The following CHERP variants were observed in gnomAD, a reference collection of about 807,000 sequenced individuals.
The protein encoded by CHERP is ERPROT 213-21.
CHERP carries 8 observed loss-of-function variants against 113.8 expected under a neutral mutation model. The ratio of observed to expected loss-of-function variants is 0.07; its 90% CI spans 0.04 to 0.13. The LOEUF (loss-of-function observed/expected upper bound fraction) is 0.13. CHERP is among the 10% of genes least tolerant of loss of function. The pLI is 1.00. For missense variants in CHERP, 884 were observed against 1,298.2 expected, an observed-to-expected ratio of 0.68 and a Z score of 4.90; for synonymous variants, 559 against 524.5, an observed-to-expected ratio of 1.07 and a Z score of -0.90.
chr19:16,524,325 C>T (rs1009123958), intron 10 of CHERP, among the ~76,000 whole-genome samples: 6 of 151,992 alleles, frequency 3.9e-5, no homozygotes, highest in African/African-American at 7.3e-5. Flanking sequence ...GAGGCCGAGG[C>T]GGGCGGATCA....
chr19:16,541,765 C>T (rs1004368976), intron 2 of CHERP, 105 bp downstream of exon 2: 2 of 1,252,106 alleles, frequency 1.6e-6, no homozygotes, highest in Non-Finnish European at 2.2e-6. Flanking sequence ...TGCTCCACTT[C>T]AAAGAATAAA....
chr19:16,533,577 C>T (rs1394272831), intron 3 of CHERP, among the ~76,000 whole-genome samples: 2 of 151,914 alleles, frequency 1.3e-5, no homozygotes, highest in African/African-American at 4.8e-5. Context: ...GGCAACGTAG[C>T]GAAACCTCAT....
Position 16,530,050 on chromosome 19 carries a change from G to T in CHERP, c.877-150C>A. The T allele has an allele frequency of 9.6e-7, 1 of 1,046,586 alleles. No homozygotes were observed. Among genetic ancestry groups the T allele is most frequent in the Non-Finnish European group, 1.4e-6 (1 of 731,780 alleles). 64.8% of individuals were successfully genotyped at this position (1,046,586 alleles called of 1,614,324 possible). ...TCACGTGAAACAGCCAACACAGTCT[G>T]GGCAATCAGTGTGCGCTGGGATCTG... On this transcript the variant is annotated intron_variant, in intron 7 of 16. Coordinates refer to ENST00000546361, the MANE Select transcript of CHERP (RefSeq NM_006387.6). The surrounding 1 kb of genome is among the most constrained non-coding windows in gnomAD (Gnocchi z 4.1).
intron 8 of CHERP, among the ~76,000 whole-genome samples, chr19:16,528,858 T>C (rs2085674784): frequency 6.6e-6 from 1 of 152,016 alleles, no homozygotes; most frequent in Non-Finnish European, 1.5e-5. Flanking sequence ...GAGGCTGAGG[T>C]AGGAGAATGG....
rs2085585526 is a variant in CHERP, at chr19:16,519,417, C to A, written c.2558-65G>T. On this transcript the variant is annotated intron_variant, in intron 16 of 16. Coordinates refer to ENST00000546361, the MANE Select transcript of CHERP (RefSeq NM_006387.6). This position sits in a 1 kb window ranked among gnomAD's most constrained non-coding sequence, Gnocchi z 6.0. The stretch of plus-strand genomic sequence containing the variant: ...GGCAGATGGGGGTGCACGTGGGGGG[C>A]TGAATGTCCAGACAGGCAGTGTAGA... The A allele has an allele frequency of 1.3e-6, 2 of 1,511,468 alleles. No homozygotes were observed. The highest frequency in any genetic ancestry group is 1.8e-6 in the Non-Finnish European group (2 of 1,107,480). 93.6% of individuals were successfully genotyped at this position (1,511,468 alleles called of 1,614,324 possible). A position where few individuals can be genotyped will look rare whatever the true frequency, so the allele number is the denominator to read the frequency against.
chr19:16,525,339 C>G lies in CHERP; in HGVS notation c.1644G>C (p.Pro548=), dbSNP rs1363603698. 6.1e-6 allele frequency: 9 copies of G among 1,477,726 alleles called. No homozygotes were observed. Among genetic ancestry groups the G allele is most frequent in the Non-Finnish European group, 9.0e-7 (1 of 1,113,026 alleles). The allele number at this position is 1,477,726 out of a possible 1,614,324, so 91.5% of individuals were successfully genotyped here. ...GGAAGTCGTCCTGCATGAAGCGGGGCGGGAAGCGGTTGAAGTTGTGGGGGT... is the reference window on the plus strand; with the variant it reads ...GGAAGTCGTCCTGCATGAAGCGGGGGGGGAAGCGGTTGAAGTTGTGGGGGT... ...PPHPHNFNRF[P]PRFMQDDFPP... The change falls in exon 10 of 17, where the codon CCG becomes CCC. Residue 548 remains proline, a synonymous_variant. Transcript: ENST00000546361. The surrounding 1 kb of genome is among the most constrained non-coding windows in gnomAD (Gnocchi z 6.5).
At position 16,532,636 on chromosome 19, in the gene CHERP, C is replaced by T. The variant is rs774585316; in HGVS notation, c.636G>A (p.Leu212=). 1.2e-6 allele frequency: 2 copies of T among 1,611,272 alleles called. No homozygotes were observed. Among genetic ancestry groups the T allele is most frequent in the South Asian group, 1.1e-5 (1 of 91,038 alleles). The change falls in exon 5 of 17, where the codon CTG becomes CTA. Residue 212 remains leucine (L), a synonymous_variant. Transcript: ENST00000546361. The surrounding 1 kb of genome is among the most constrained non-coding windows in gnomAD (Gnocchi z 4.4). ...TADGAHFELR[L]HLIYLINDVL... ...CGTCATTGATCAGGTAGATGAGGTGCAGCCGCAGCTCGAAGTGTGCCCCAT... is the reference window on the plus strand; with the variant it reads ...CGTCATTGATCAGGTAGATGAGGTGTAGCCGCAGCTCGAAGTGTGCCCCAT...
chr19:16,525,412 C>T lies in CHERP; in HGVS notation c.1571G>A (p.Gly524Glu). 1 of 1,512,410 alleles carries T rather than the reference C, an allele frequency of 6.6e-7. No homozygotes were observed. 93.7% of individuals were successfully genotyped at this position (1,512,410 alleles called of 1,614,324 possible). Reference protein sequence around the residue: ...FRMQRPPHFRGPFPPHQQHPQ... With the variant: ...FRMQRPPHFREPFPPHQQHPQ... Reference sequence around the variant, plus strand: ...GTGCTGCTGGTGGGGCGGGAAGGGCCCCCGGAAGTGTGGGGGCCGCTGCAT... The same window carrying T: ...GTGCTGCTGGTGGGGCGGGAAGGGCTCCCGGAAGTGTGGGGGCCGCTGCAT... Residue 524 changes from glycine (G) to glutamate (E), a missense_variant, in exon 10 of 17, where the codon GGG (glycine) becomes GAG (glutamate). Gly to Glu is a moderately conservative substitution (Grantham distance 98). This residue lies in a region of CHERP where 464 missense variants were observed against 590.1 expected (regional missense o/e 0.79). Transcript: ENST00000546361. The surrounding 1 kb of genome is among the most constrained non-coding windows in gnomAD (Gnocchi z 6.5).
rs776181250 is a variant in CHERP at position 16,520,157 on chromosome 19, G to A, written c.2454C>T (p.Pro818=). The change falls in exon 15 of 17, where the codon CCC becomes CCT. Residue 818 remains proline, a synonymous_variant. Coordinates refer to ENST00000546361, the MANE Select transcript of CHERP (RefSeq NM_006387.6). This position sits in a 1 kb window ranked among gnomAD's most constrained non-coding sequence, Gnocchi z 4.0. The part of the protein sequence containing the change: ...GRRRRSRSRS[P]TPPSSAGLGS... Reference sequence around the variant, plus strand: ...TTAAGACAGGATCTTACGGCGGGGTGGGGCTCCTGGACCGTGACCGGCGTC... The same window carrying A: ...TTAAGACAGGATCTTACGGCGGGGTAGGGCTCCTGGACCGTGACCGGCGTC... 16 of 1,612,004 alleles carry A rather than the reference G, an allele frequency of 9.9e-6. No homozygotes were observed. Among genetic ancestry groups the A allele is most frequent in the Non-Finnish European group, 1.3e-5 (15 of 1,179,650 alleles).
In CHERP at chr19:16,523,346, C is replaced by T; in HGVS notation, c.1742-56G>A. On this transcript the variant is annotated intron_variant, in intron 10 of 16. Coordinates refer to ENST00000546361, the MANE Select transcript of CHERP (RefSeq NM_006387.6). The surrounding 1 kb of genome is among the most constrained non-coding windows in gnomAD (Gnocchi z 4.0). ...AGGCCAGTCAGGATCTCCCAGGCGA[C>T]AAGTGCTGGAGGGGAGGGGCTCAGT... 6.3e-7 allele frequency: 1 copy of T among 1,595,778 alleles called. No homozygotes were observed. Among genetic ancestry groups the T allele is most frequent in the South Asian group, 1.1e-5 (1 of 89,620 alleles).
intron 2 of CHERP, 91 bp downstream of exon 2, chr19:16,541,779 C>T (rs1039080326): frequency 3.0e-6 from 4 of 1,354,022 alleles, no homozygotes; most frequent in Middle Eastern, 2.6e-4. Flanking sequence ...GAATAAACGA[C>T]CCGAAAGAAA....
intron 8 of CHERP, 32 bp downstream of exon 8, chr19:16,529,616 T>C: frequency 6.5e-7 from 1 of 1,529,588 alleles, no homozygotes; most frequent in South Asian, 1.2e-5. Context: ...GGCTGTTTCC[T>C]GGGGGCAGGC....
chr19:16,521,965 C>A (rs554091181), intron 11 of CHERP, among the ~76,000 whole-genome samples: 16 of 152,344 alleles, frequency 1.1e-4, no homozygotes, highest in Admixed American at 4.6e-4. Context: ...TTCAGACATG[C>A]AGCGGGCCCC....
intron 2 of CHERP, among the ~76,000 whole-genome samples, chr19:16,541,036 T>C (rs2085775937): frequency 6.6e-6 from 1 of 152,164 alleles, no homozygotes; most frequent in Non-Finnish European, 1.5e-5. Flanking sequence ...CTGTGTGTTA[T>C]GTATTAAGGG....
At chr19:16,528,884 C>T (rs1186789277) in intron 8 of CHERP, among the ~76,000 whole-genome samples, 9 of 152,278 alleles carry the variant, frequency 5.9e-5, no homozygotes, top group Admixed American at 3.9e-4. Flanking sequence ...ACCCAGGAAG[C>T]GGAGCTTGCA....
In CHERP at chr19:16,535,640, G is replaced by A; in HGVS notation, c.200-4C>T. On this transcript the variant is annotated splice_polypyrimidine_tract_variant and splice_region_variant and intron_variant, in intron 2 of 16. Transcript: ENST00000546361. This position sits in a 1 kb window ranked among gnomAD's most constrained non-coding sequence, Gnocchi z 4.3. The stretch of plus-strand genomic sequence containing the variant: ...GGGGTCTGCTGCTTGCAGATGACTG[G>A]AGGGAGAGGAGGAGGGGTGCCCCAT... The A allele has an allele frequency of 6.6e-7, 1 of 1,503,866 alleles. No homozygotes were observed. Among genetic ancestry groups the A allele is most frequent in the Non-Finnish European group, 8.9e-7 (1 of 1,127,958 alleles). The allele number at this position is 1,503,866 out of a possible 1,614,324, so 93.2% of individuals were successfully genotyped here.
Position 16,523,177 on chromosome 19 carries a change from A to G in CHERP, c.1855T>C (p.Phe619Leu), listed in dbSNP as rs2085632708. The change falls in exon 11 of 17, where the codon TTC (phenylalanine) becomes CTC (leucine). Residue 619 changes from phenylalanine (F) to leucine (L), a missense_variant. By Grantham distance (22) the Phe-to-Leu change is conservative (BLOSUM62 0). Transcript: ENST00000546361. This position sits in a 1 kb window ranked among gnomAD's most constrained non-coding sequence, Gnocchi z 4.0. ...CGCATGTGTGGGGGCTGCCCGTTGA[A>G]GCCATGGGGGGGAGGGCCGAAGTCA... ...HPDFGPPPHG[F>L]NGQPPHMRRQ... 6.4e-7 allele frequency: 1 copy of G among 1,569,158 alleles called. No homozygotes were observed.
chr19:16,538,598 G>A (rs1381444198), intron 2 of CHERP, among the ~76,000 whole-genome samples: 1 of 152,086 alleles, frequency 6.6e-6, no homozygotes, highest in Non-Finnish European at 1.5e-5. Flanking sequence ...CAGGAGAATC[G>A]CTTGAATCTG....
Position 16,525,556 on chromosome 19 carries a change from C to T in CHERP, c.1427G>A (p.Arg476His), listed in dbSNP as rs949564119. ...QRGDPGWNGQ[R>H]DAPWNNQPDA... The stretch of plus-strand genomic sequence containing the variant: ...GGGCTGGTTGTTCCAGGGCGCGTCG[C>T]GCTGGCCGTTCCAGCCGGGGTCACC... The change falls in exon 10 of 17, where the codon CGC (arginine) becomes CAC (histidine). Residue 476 changes from arginine (R) to histidine (H), a missense_variant. By Grantham distance (29) the Arg-to-His change is conservative. Coordinates refer to ENST00000546361, the MANE Select transcript of CHERP (RefSeq NM_006387.6). This position sits in a 1 kb window ranked among gnomAD's most constrained non-coding sequence, Gnocchi z 6.5. 2 of 1,541,876 alleles carry T rather than the reference C, an allele frequency of 1.3e-6. No homozygotes were observed. Among genetic ancestry groups the T allele is most frequent in the Non-Finnish European group, 8.7e-7 (1 of 1,146,712 alleles).
Sources: gnomAD v4.1 joint callset for allele counts (sites outside exome capture counted in the v4.1 genomes callset) on GRCh38, gnomAD v4.1.1 for gene constraint, gnomAD v4.1.1 regional missense constraint, Gnocchi (gnomAD v3.1) non-coding constraint, MANE v1.5 for transcripts, NCBI Gene and HGNC (gene_info 2026-07-23, HGNC 2026-07-21) for gene names.